The following HNF4A variants were observed in gnomAD, a reference collection of about 807,000 sequenced individuals.
HNF4A encodes the protein hepatocyte nuclear factor 4 alpha.
A neutral mutation model predicts 52.4 loss-of-function variants in HNF4A; 15 were observed. The ratio of observed to expected loss-of-function variants is 0.29; its 90% CI spans 0.19 to 0.44. HNF4A has a LOEUF of 0.44. Among genes scored for constraint, HNF4A ranks in the 20% least tolerant of loss-of-function variants. The probability of loss-of-function intolerance (pLI) is 1.00; values close to 1 mark genes in which losing one functional copy is unlikely to be tolerated. For synonymous variants in HNF4A, 280 were observed against 264.4 expected (o/e 1.06, Z -0.57); for missense variants, 479 against 647.2 (o/e 0.74, Z 2.82).
At chr20:44,410,162 C>G (rs2063561027) in intron 3 of HNF4A, among the ~76,000 whole-genome samples, 1 of 152,212 alleles carries the variant, frequency 6.6e-6, no homozygotes, top group Admixed American at 6.5e-5. Flanking sequence ...GCTGCAAAGC[C>G]AGCAAACCCC....
intron 1 of HNF4A, among the ~76,000 whole-genome samples, chr20:44,362,843 C>CTT (rs773479711): frequency 1.6e-4 from 22 of 134,506 alleles, no homozygotes; most frequent in African/African-American, 3.5e-4. Flanking sequence ...ACTCAATTCT[C>CTT]TTTTTTTTTT....
intron 1 of HNF4A, among the ~76,000 whole-genome samples, chr20:44,388,442 G>A (rs1051709192): frequency 1.4e-5 from 2 of 146,830 alleles, no homozygotes; most frequent in Non-Finnish European, 3.0e-5. Context: ...GAAGGGCAGC[G>A]GCTGCTACCC....
chr20:44,408,522 C>T (rs186187432), intron 3 of HNF4A, among the ~76,000 whole-genome samples: 9 of 152,200 alleles, frequency 5.9e-5, no homozygotes, highest in Admixed American at 2.0e-4. Flanking sequence ...GTCAAGAGTT[C>T]GAGACCATCC....
intron 8 of HNF4A, among the ~76,000 whole-genome samples, chr20:44,425,316 G>A (rs1211302297): frequency 1.3e-5 from 2 of 152,160 alleles, no homozygotes; most frequent in African/African-American, 4.8e-5. Context: ...ACTCTGTTGG[G>A]TAGAGAGTGA....
rs1555816615 is a variant in HNF4A at position 44,419,742 on chromosome 20, G to A, written c.758G>A (p.Arg253Gln). ...CCAGGCAATGACTACATTGTCCCTC[G>A]GCACTGCCCGGAGCTGGCGGAGATG... The change falls in exon 7 of 10, where the codon CGG (arginine) becomes CAG (glutamine). Residue 253 changes from arginine (R) to glutamine (Q), a missense_variant. Coordinates refer to ENST00000316099, the MANE Select transcript of HNF4A (RefSeq NM_000457.6). 2 of 1,609,896 alleles carry A rather than the reference G, an allele frequency of 1.2e-6. No individual in the cohort carries two copies. Among genetic ancestry groups the A allele is most frequent in the Non-Finnish European group, 1.7e-6 (2 of 1,177,494 alleles).
Position 44,414,660 on chromosome 20 carries a change from C to A in HNF4A, c.646C>A (p.Gln216Lys). 1 of 1,602,912 alleles carries A rather than the reference C, an allele frequency of 6.2e-7. No homozygotes were observed. Among genetic ancestry groups the A allele is most frequent in the Non-Finnish European group, 8.5e-7 (1 of 1,174,588 alleles). The change falls in exon 5 of 10, where the codon CAG becomes AAG. Residue 216 changes from glutamine to lysine, a missense_variant and splice_region_variant. By Grantham distance (53) the Gln-to-Lys change is moderately conservative. Transcript: ENST00000316099. ...TTTCTGCGAGCTCCCCCTGGACGAC[C>A]AGGTGAGGATGGGCGTGGATGGTGG... is the stretch of plus-strand genomic sequence containing the variant.
chr20:44,362,803 A>G (rs1012601673), intron 1 of HNF4A, among the ~76,000 whole-genome samples: 1 of 149,828 alleles, frequency 6.7e-6, no homozygotes. Flanking sequence ...ACCTTCTACC[A>G]CCTACTAGCT....
chr20:44,411,528 G>A (rs566091110), intron 3 of HNF4A, among the ~76,000 whole-genome samples: 1 of 151,214 alleles, frequency 6.6e-6, no homozygotes, highest in East Asian at 2.0e-4. Flanking sequence ...CGTGGGAGGG[G>A]TGTGGGCGGG....
At chr20:44,404,537 GTGTA>G (rs1476645968) in intron 1 of HNF4A, among the ~76,000 whole-genome samples, 1 of 151,586 alleles carries the variant, frequency 6.6e-6, no homozygotes, top group South Asian at 2.1e-4. Flanking sequence ...TGTGGACTGT[GTGTA>G]TGTGTATGTA....
At chr20:44,386,609 G>A (rs1484376627) in intron 1 of HNF4A, among the ~76,000 whole-genome samples, 2 of 152,146 alleles carry the variant, frequency 1.3e-5, no homozygotes, top group Admixed American at 6.5e-5. Flanking sequence ...CAACCCCCAA[G>A]GGACATTTAT....
chr20:44,432,622 T>C lies in HNF4A; in HGVS notation c.*2957T>C, dbSNP rs1483060176. On this transcript the variant is annotated 3_prime_UTR_variant, in exon 10 of 10. Coordinates refer to ENST00000316099, the MANE Select transcript of HNF4A (RefSeq NM_000457.6). ...AAATTTTTCTGTGATCTGCCCTGAT[T>C]AAGATGAATTGTGAAATTTACATCA... 6.6e-6 allele frequency: 1 copy of C among 152,116 alleles called. No homozygotes were observed. The highest frequency in any genetic ancestry group is 2.4e-5 in the African/African-American group (1 of 41,420). The allele number at this position is 152,116 out of a possible 1,614,324, so 9.4% of individuals were successfully genotyped here.
chr20:44,429,061 G>C (rs1288052851), intron 9 of HNF4A, among the ~76,000 whole-genome samples: 3 of 152,194 alleles, frequency 2.0e-5, no homozygotes, highest in African/African-American at 7.2e-5. Flanking sequence ...CTCCAAACCT[G>C]CCATGAGAGT....
intron 1 of HNF4A, among the ~76,000 whole-genome samples, chr20:44,383,369 G>T (rs1465902856): frequency 6.6e-6 from 1 of 152,112 alleles, no homozygotes; most frequent in Admixed American, 6.6e-5. Context: ...CAGTCACAGA[G>T]CAGTTCAGTA....
At chr20:44,386,842 A>G (rs2063230634) in intron 1 of HNF4A, among the ~76,000 whole-genome samples, 1 of 152,238 alleles carries the variant, frequency 6.6e-6, no homozygotes, top group African/African-American at 2.4e-5. Context: ...TACGATTTTT[A>G]AATCTTCAAT....
upstream of HNF4A, among the ~76,000 whole-genome samples, chr20:44,400,233 T>C (rs2063390327): frequency 6.6e-6 from 1 of 151,952 alleles, no homozygotes; most frequent in Non-Finnish European, 1.5e-5. Flanking sequence ...TTCTAAGGGT[T>C]GGGTTGCCTG....
At chr20:44,397,753 T>C (rs1466798224), upstream of HNF4A, among the ~76,000 whole-genome samples, 1 of 151,986 alleles carries the variant, frequency 6.6e-6, no homozygotes, top group Non-Finnish European at 1.5e-5. Flanking sequence ...CCAAGTAGCC[T>C]GGACTGCAGG....
intron 1 of HNF4A, among the ~76,000 whole-genome samples, chr20:44,381,879 G>A (rs909654569): frequency 6.6e-6 from 1 of 152,184 alleles, no homozygotes; most frequent in African/African-American, 2.4e-5. Context: ...CCAAAGTGCT[G>A]GGATTACAGG....
chr20:44,375,815 C>A (rs1361830303), intron 1 of HNF4A, among the ~76,000 whole-genome samples: 1 of 152,212 alleles, frequency 6.6e-6, no homozygotes, highest in African/African-American at 2.4e-5. Flanking sequence ...TTGGCCACTC[C>A]AAGAAATGCC....
chr20:44,364,998 C>T (rs554395548), intron 1 of HNF4A, among the ~76,000 whole-genome samples: 42 of 152,202 alleles, frequency 2.8e-4, no homozygotes, highest in African/African-American at 4.6e-4. Flanking sequence ...TGGTCCCTAG[C>T]GGGGCGGGAC....
Sources: gnomAD v4.1 joint callset for allele counts (sites outside exome capture counted in the v4.1 genomes callset) on GRCh38, gnomAD v4.1.1 for gene constraint, MANE v1.5 for transcripts, NCBI Gene and HGNC (gene_info 2026-07-23, HGNC 2026-07-21) for gene names.